The following PCDHGA1 variants were observed in gnomAD, a reference collection of about 807,000 sequenced individuals.
PCDHGA1 encodes the protein protocadherin gamma subfamily A, 1.
In PCDHGA1, 32 loss-of-function variants were observed where a neutral mutation model predicts 58.0. That is an observed-to-expected ratio of 0.55 (90% CI 0.42 to 0.74). The LOEUF (loss-of-function observed/expected upper bound fraction) is 0.74, where lower values mean the gene tolerates loss of function less well. Among genes scored for constraint, PCDHGA1 ranks in the 30% least tolerant of loss-of-function variants. The probability of loss-of-function intolerance (pLI) is 0.00; values close to 1 mark genes in which losing one functional copy is unlikely to be tolerated. For missense variants in PCDHGA1, 1,205 were observed against 1,182.3 expected (o/e 1.02, Z -0.28); for synonymous variants, 498 against 501.1 (o/e 0.99, Z 0.08).
At chr5:141,394,371 T>C (rs753598001) in intron 1 of PCDHGA1, 5 of 1,614,056 alleles carry the variant, frequency 3.1e-6, no homozygotes, top group Non-Finnish European at 4.2e-6. Context: ...GCTGCAATCT[T>C]TCGACTATGA....
intron 3 of PCDHGA1, among the ~76,000 whole-genome samples, chr5:141,510,511 T>C (rs2099881465): frequency 6.6e-6 from 1 of 152,142 alleles, no homozygotes; most frequent in Non-Finnish European, 1.5e-5. Context: ...TGAGAGCCCG[T>C]GTCACAGCCC....
chr5:141,430,987 C>T (rs1171599563), intron 1 of PCDHGA1: 2 of 1,613,690 alleles, frequency 1.2e-6, no homozygotes, highest in African/African-American at 2.7e-5. Context: ...AGCTTTTCGC[C>T]CTGAATCCGC....
At chr5:141,418,535 G>GC in intron 1 of PCDHGA1, 1 of 1,614,002 alleles carries the variant, frequency 6.2e-7, no homozygotes, top group Non-Finnish European at 8.5e-7. Context: ...AAGCGGTACT[G>GC]CTCAGATAAG....
At chr5:141,351,612 C>A in intron 1 of PCDHGA1, 2 of 1,614,070 alleles carry the variant, frequency 1.2e-6, no homozygotes, top group Non-Finnish European at 1.7e-6. Flanking sequence ...TTCCATCAGG[C>A]CTCCTATGTG....
rs1251686604 is a variant in PCDHGA1 at position 141,485,257 on chromosome 5, T to C, written c.2422-9550T>C. ...TCTTTTACCACCTGGGTTACGTTTG[T>C]GGGCAGATCCGCTACCCGGTCCCAG... is the stretch of plus-strand genomic sequence containing the variant. On this transcript the variant is annotated intron_variant, in intron 1 of 3. Coordinates refer to ENST00000517417, the MANE Select transcript of PCDHGA1 (RefSeq NM_018912.3). This position sits in a 1 kb window ranked among gnomAD's most constrained non-coding sequence, Gnocchi z 5.7. The C allele has an allele frequency of 6.2e-7, 1 of 1,614,154 alleles. No homozygotes were observed.
Position 141,400,130 on chromosome 5 carries a change from T to C in PCDHGA1, c.2421+67025T>C, listed in dbSNP as rs369250985. On this transcript the variant is annotated intron_variant, in intron 1 of 3. Transcript: ENST00000517417. ...TTTGCTGACAGCTTGCAGGAGGTGC[T>C]GCCGGATATCACTGACCGCCCTGTA... is the stretch of plus-strand genomic sequence containing the variant. The C allele has an allele frequency of 1.9e-6, 3 of 1,613,954 alleles. No individual in the cohort carries two copies. The African/African-American group carries it at 4.0e-5, about 22-fold the overall frequency.
chr5:141,394,500 C>T, intron 1 of PCDHGA1: 2 of 1,614,242 alleles, frequency 1.2e-6, no homozygotes, highest in Non-Finnish European at 8.5e-7. Context: ...GCCCGAGATC[C>T]TGTACCCCGC....
At chr5:141,429,559 A>G (rs2097222911) in intron 1 of PCDHGA1, among the ~76,000 whole-genome samples, 2 of 152,146 alleles carry the variant, frequency 1.3e-5, no homozygotes, top group Admixed American at 6.5e-5. Context: ...TGATTTGATA[A>G]TATTCAGTTA....
At chr5:141,462,523 G>GTGTT (rs2099041548) in intron 1 of PCDHGA1, among the ~76,000 whole-genome samples, 1 of 152,024 alleles carries the variant, frequency 6.6e-6, no homozygotes, top group African/African-American at 2.4e-5. Context: ...GTTAGTAAGA[G>GTGTT]TGTTGTTCAG....
At chr5:141,492,487 C>G (rs1031047955) in intron 1 of PCDHGA1, among the ~76,000 whole-genome samples, 1 of 152,222 alleles carries the variant, frequency 6.6e-6, no homozygotes, top group Non-Finnish European at 1.5e-5. Flanking sequence ...CGCCCAGGAC[C>G]AGGCGAGGAC....
chr5:141,341,063 G>A (rs746086533), intron 1 of PCDHGA1: 24 of 1,614,076 alleles, frequency 1.5e-5, no homozygotes, highest in Admixed American at 3.3e-5. Flanking sequence ...GGTGGCGGTG[G>A]CCGCGGTCTC....
chr5:141,410,976 C>G (rs750121743), intron 1 of PCDHGA1: 28 of 178,158 alleles, frequency 1.6e-4, no homozygotes, highest in Non-Finnish European at 2.6e-4. Context: ...GCCTCAGCCT[C>G]CCAAGTAGCT....
intron 1 of PCDHGA1, chr5:141,350,053 A>G (rs1758397235): frequency 2.5e-6 from 1 of 403,962 alleles, no homozygotes; most frequent in East Asian, 3.6e-5. Flanking sequence ...CTGTCGACCA[A>G]AAGGAAGTGA....
At chr5:141,495,257 A>T (rs1411983517) in intron 2 of PCDHGA1, among the ~76,000 whole-genome samples, 1 of 152,200 alleles carries the variant, frequency 6.6e-6, no homozygotes, top group Non-Finnish European at 1.5e-5. Context: ...CTCAGGCAGA[A>T]AAGCATTTGA....
chr5:141,361,672 G>A (rs1177746611), intron 1 of PCDHGA1: 17 of 1,613,566 alleles, frequency 1.1e-5, no homozygotes, highest in Non-Finnish European at 1.4e-5. Context: ...GCAGAGCGGG[G>A]TGGTGTTCGC....
Position 141,490,743 on chromosome 5 carries a change from C to T in PCDHGA1, c.2422-4064C>T, listed in dbSNP as rs1011278142. 7.4e-6 allele frequency: 12 copies of T among 1,614,058 alleles called. No homozygotes were observed. The highest frequency in any genetic ancestry group is 1.0e-5 in the Non-Finnish European group (12 of 1,180,038). On this transcript the variant is annotated intron_variant, in intron 1 of 3. Transcript: ENST00000517417. This position sits in a 1 kb window ranked among gnomAD's most constrained non-coding sequence, Gnocchi z 5.4. ...TTGTAGGAAATCAGGTTCAGGGAGC[C>T]CCAGCCTCCTCCTTTGTGTATGTCA...
intron 1 of PCDHGA1, chr5:141,360,108 T>C (rs376839446): frequency 6.4e-7 from 1 of 1,555,128 alleles, no homozygotes; most frequent in Non-Finnish European, 8.7e-7. Flanking sequence ...ATTCCTCCTA[T>C]GGGCAAAGGA....
At chr5:141,410,097 T>G (rs745439318) in intron 1 of PCDHGA1, 3 of 1,612,664 alleles carry the variant, frequency 1.9e-6, no homozygotes, top group Non-Finnish European at 2.5e-6. Context: ...GCTCGAGCCT[T>G]AGGCGACAGG....
Position 141,357,291 on chromosome 5 carries a change from G to T in PCDHGA1, c.2421+24186G>T, listed in dbSNP as rs771398262. 1.9e-6 allele frequency: 3 copies of T among 1,613,944 alleles called. No homozygotes were observed. In the South Asian group the frequency reaches 3.3e-5, roughly 18 times the overall value. ...TCACACTCTATCTCGTGGTGGCAGTGGCCGCTGTCTCCTGCGTCTTCCTGG... is the reference window on the plus strand; with the variant it reads ...TCACACTCTATCTCGTGGTGGCAGTTGCCGCTGTCTCCTGCGTCTTCCTGG... On this transcript the variant is annotated intron_variant, in intron 1 of 3. Coordinates refer to ENST00000517417, the MANE Select transcript of PCDHGA1 (RefSeq NM_018912.3).
Sources: gnomAD v4.1 joint callset for allele counts (sites outside exome capture counted in the v4.1 genomes callset) on GRCh38, gnomAD v4.1.1 for gene constraint, Gnocchi (gnomAD v3.1) non-coding constraint, MANE v1.5 for transcripts, NCBI Gene and HGNC (gene_info 2026-07-23, HGNC 2026-07-21) for gene names.